Variants in ERC2 observed in about 807,000 individuals in gnomAD.
The protein encoded by ERC2 is ERC protein 2.
In ERC2, 42 loss-of-function variants were observed where a neutral mutation model predicts 114.8. The observed-to-expected ratio is 0.37, with a 90% CI of 0.29 to 0.47. The LOEUF (loss-of-function observed/expected upper bound fraction) is 0.47, where lower values mean the gene tolerates loss of function less well. Among genes scored for constraint, ERC2 ranks in the 20% least tolerant of loss-of-function variants. The probability of loss-of-function intolerance (pLI) is 0.99; values close to 1 mark genes in which losing one functional copy is unlikely to be tolerated. For synonymous variants in ERC2, 454 were observed against 425.5 expected, an observed-to-expected ratio of 1.07 and a Z score of -0.82; for missense variants, 939 against 1,150.7, an observed-to-expected ratio of 0.82 and a Z score of 2.66.
intron 14 of ERC2, among the ~76,000 whole-genome samples, chr3:55,777,607 A>G (rs1349567962): frequency 6.6e-6 from 1 of 152,238 alleles, no homozygotes; most frequent in African/African-American, 2.4e-5. Context: ...CAACTGAAAG[A>G]TGTAATGTTA....
In ERC2 at chr3:55,552,612, AC is replaced by A. The variant is rs201644321; in HGVS notation, c.*40-41337del. ...CTATTAAAACAGCCGGGTGTAACTA[AC>A]CCCAACCAGAGAATTTGGAAAAAAG... On this transcript the variant is annotated intron_variant, in intron 17 of 17. Coordinates refer to ENST00000288221, the MANE Select transcript of ERC2 (RefSeq NM_015576.3). Among the ~76,000 whole-genome samples the A allele has an allele frequency of 9.5e-3, 1,443 of 151,624 alleles. 16 individuals carry two copies. Among genetic ancestry groups the A allele is most frequent in the African/African-American group, 0.033 (1,355 of 41,392 alleles).
chr3:55,679,732 C>T (rs1483620277), intron 17 of ERC2, among the ~76,000 whole-genome samples: 1 of 152,202 alleles, frequency 6.6e-6, no homozygotes, highest in African/African-American at 2.4e-5. Context: ...CAGTAGCTAC[C>T]CCTGTACAGG....
At chr3:56,262,387 C>T (rs2052998969) in intron 3 of ERC2, among the ~76,000 whole-genome samples, 2 of 152,170 alleles carry the variant, frequency 1.3e-5, no homozygotes. Context: ...ATCTGCTGAG[C>T]TTGGATAGTT....
intron 2 of ERC2, among the ~76,000 whole-genome samples, chr3:56,358,909 C>G (rs2058843657): frequency 6.6e-6 from 1 of 152,196 alleles, no homozygotes; most frequent in Non-Finnish European, 1.5e-5. Flanking sequence ...CTTGTCATCA[C>G]TGAGGTGATC....
At chr3:55,896,537 T>C (rs767042969) in intron 13 of ERC2, among the ~76,000 whole-genome samples, 1 of 152,238 alleles carries the variant, frequency 6.6e-6, no homozygotes, top group African/African-American at 2.4e-5. Context: ...CATCTATTAG[T>C]AATTCACCAG....
chr3:56,062,790 G>A (rs1468007926), intron 7 of ERC2, among the ~76,000 whole-genome samples: 5 of 151,994 alleles, frequency 3.3e-5, no homozygotes, highest in Non-Finnish European at 1.5e-5. Flanking sequence ...CTGGATTCTG[G>A]TCTCAACTCT....
At chr3:55,581,497 G>GT (rs1390131655) in intron 17 of ERC2, among the ~76,000 whole-genome samples, 1 of 152,104 alleles carries the variant, frequency 6.6e-6, no homozygotes, top group African/African-American at 2.4e-5. Flanking sequence ...GCATGCACAG[G>GT]TAAGAGTGGC....
intron 14 of ERC2, among the ~76,000 whole-genome samples, chr3:55,773,299 T>C (rs1236054644): frequency 8.5e-5 from 13 of 152,214 alleles, no homozygotes; most frequent in Admixed American, 8.5e-4. Context: ...TGGAGCGCTC[T>C]TCCCTCTCGG....
At chr3:55,517,855 T>C (rs1482697775) in intron 17 of ERC2, among the ~76,000 whole-genome samples, 4 of 152,378 alleles carry the variant, frequency 2.6e-5, no homozygotes, top group African/African-American at 9.6e-5. Flanking sequence ...TTAGGTACTC[T>C]ATGCACTTTT....
chr3:56,076,928 C>G (rs576839567), intron 7 of ERC2, among the ~76,000 whole-genome samples: 4 of 152,264 alleles, frequency 2.6e-5, no homozygotes, highest in Non-Finnish European at 4.4e-5. Context: ...AGGAAAGGAG[C>G]ATACCTAGTT....
At chr3:55,718,924 G>C (rs2064283787) in intron 15 of ERC2, among the ~76,000 whole-genome samples, 1 of 152,092 alleles carries the variant, frequency 6.6e-6, no homozygotes, top group Non-Finnish European at 1.5e-5. Flanking sequence ...CTTCCTGTGG[G>C]GGTGAGCCAC....
intron 7 of ERC2, among the ~76,000 whole-genome samples, chr3:56,035,999 A>T (rs577502898): frequency 6.6e-6 from 1 of 152,348 alleles, no homozygotes; most frequent in East Asian, 1.9e-4. Flanking sequence ...AACATATCAA[A>T]AGAGTCATAC....
intron 15 of ERC2, among the ~76,000 whole-genome samples, chr3:55,731,589 C>T (rs1379389983): frequency 1.3e-5 from 2 of 152,166 alleles, no homozygotes; most frequent in Non-Finnish European, 2.9e-5. Flanking sequence ...AAACAGGATT[C>T]ACCTTAAACA....
chr3:56,321,225 G>C (rs948559384), intron 2 of ERC2, among the ~76,000 whole-genome samples: 9 of 151,918 alleles, frequency 5.9e-5, no homozygotes, highest in African/African-American at 2.2e-4. Context: ...AGACAAATAG[G>C]GTAACTTTAA....
At chr3:55,862,898 C>T (rs564952970) in intron 14 of ERC2, among the ~76,000 whole-genome samples, 1 of 152,238 alleles carries the variant, frequency 6.6e-6, no homozygotes, top group South Asian at 2.1e-4. Context: ...TCCATACTTG[C>T]CGTTGGTTGG....
At chr3:56,092,465 A>G (rs2077846530) in intron 6 of ERC2, among the ~76,000 whole-genome samples, 1 of 152,210 alleles carries the variant, frequency 6.6e-6, no homozygotes, top group Non-Finnish European at 1.5e-5. Flanking sequence ...TTTAATGCTC[A>G]GTTCAGTTCC....
At chr3:55,590,172 C>A (rs2057803485) in intron 17 of ERC2, among the ~76,000 whole-genome samples, 1 of 152,082 alleles carries the variant, frequency 6.6e-6, no homozygotes, top group Non-Finnish European at 1.5e-5. Context: ...TAAGCGAAAT[C>A]TAAGTGAAGT....
intron 3 of ERC2, among the ~76,000 whole-genome samples, chr3:56,280,307 A>G (rs2054263738): frequency 6.6e-6 from 1 of 152,192 alleles, no homozygotes; most frequent in Admixed American, 6.5e-5. Context: ...CTGACTTCAC[A>G]CTTCTGATCC....
At chr3:56,435,206 G>T (rs2061963126) in intron 1 of ERC2, 59 bp from the exon 2 acceptor site, 5 of 491,306 alleles carry the variant, frequency 1.0e-5, no homozygotes, top group Admixed American at 3.6e-5. Context: ...TAACTGCATT[G>T]TATTTTTAAA....
Sources: gnomAD v4.1 joint callset for allele counts (sites outside exome capture counted in the v4.1 genomes callset) on GRCh38, gnomAD v4.1.1 for gene constraint, MANE v1.5 for transcripts, NCBI Gene and HGNC (gene_info 2026-07-23, HGNC 2026-07-21) for gene names.